DNAH10: variants seen among roughly 807,000 people sequenced by gnomAD.
DNAH10 encodes axonemal beta dynein heavy chain 10.
A neutral mutation model predicts 506.6 loss-of-function variants in DNAH10; 348 were observed. The ratio of observed to expected loss-of-function variants is 0.69; its 90% CI spans 0.63 to 0.75. The LOEUF is 0.75. Ranked by LOEUF, DNAH10 falls within the 30% of genes least tolerant of loss-of-function variation. The probability of loss-of-function intolerance (pLI) is 0.00; values close to 1 mark genes in which losing one functional copy is unlikely to be tolerated. For missense variants in DNAH10, 5,179 were observed against 5,787.1 expected, an observed-to-expected ratio of 0.89 and a Z score of 3.41; for synonymous variants, 2,059 against 2,198.6, an observed-to-expected ratio of 0.94 and a Z score of 1.78.
chr12:123,815,768 A>G (rs926436331), intron 21 of DNAH10, among the ~76,000 whole-genome samples: 1 of 152,246 alleles, frequency 6.6e-6, no homozygotes, highest in African/African-American at 2.4e-5. Context: ...CATGGAATGT[A>G]CTTATACAAA....
intron 48 of DNAH10, 39 bp downstream of exon 48, chr12:123,877,947 TA>T (rs776797344): frequency 3.1e-6 from 5 of 1,590,860 alleles, no homozygotes; most frequent in Non-Finnish European, 4.3e-6. Context: ...GCCCCACAGG[TA>T]TGATAGTTTT....
intron 50 of DNAH10, among the ~76,000 whole-genome samples, chr12:123,881,167 G>A (rs1952491079): frequency 1.3e-5 from 2 of 152,188 alleles, no homozygotes; most frequent in African/African-American, 2.4e-5. Context: ...TATATGCCCA[G>A]TAACGGGATG....
intron 51 of DNAH10, among the ~76,000 whole-genome samples, chr12:123,883,930 C>G (rs966253397): frequency 2.6e-5 from 4 of 152,184 alleles, no homozygotes; most frequent in African/African-American, 9.7e-5. Context: ...TCAGCCACCC[C>G]TCATGTCTAC....
Position 123,907,346 on chromosome 12 carries a change from T to C in DNAH10, c.9816-1915T>C, listed in dbSNP as rs905757520. On this transcript the variant is annotated intron_variant, in intron 57 of 78. Transcript: ENST00000673944. The surrounding 1 kb of genome is among the most constrained non-coding windows in gnomAD (Gnocchi z 4.4). Reference sequence around the variant, plus strand: ...GTGGGGTTTATAAGGATTATTTTCCTCTAGGGAGGGTAGCATATCATTCTC... The same window carrying C: ...GTGGGGTTTATAAGGATTATTTTCCCCTAGGGAGGGTAGCATATCATTCTC... 6.6e-6 allele frequency among the ~76,000 whole-genome samples: 1 copy of C among 152,188 alleles called. No individual in the cohort carries two copies. The highest frequency in any genetic ancestry group is 2.4e-5 in the African/African-American group (1 of 41,432).
At chr12:123,868,385 C>T (rs1296554321) in intron 43 of DNAH10, among the ~76,000 whole-genome samples, 1 of 152,154 alleles carries the variant, frequency 6.6e-6, no homozygotes, top group Admixed American at 6.5e-5. Context: ...GCACTTGCTT[C>T]CTTTGCTCTT....
chr12:123,863,942 T>C (rs1014136623), intron 39 of DNAH10, among the ~76,000 whole-genome samples: 12 of 152,236 alleles, frequency 7.9e-5, no homozygotes, highest in Non-Finnish European at 1.6e-4. Context: ...AAGAATGAGG[T>C]AGGAGTTGTG....
intron 14 of DNAH10, among the ~76,000 whole-genome samples, chr12:123,799,649 G>A (rs1958411556): frequency 6.6e-6 from 1 of 152,200 alleles, no homozygotes; most frequent in Non-Finnish European, 1.5e-5. Context: ...TTATAAATCA[G>A]ATGATGTAGA....
chr12:123,928,542 C>A lies in DNAH10; in HGVS notation c.12261C>A (p.Asp4087Glu), dbSNP rs199560032. ...HPDFRLWLTT[D>E]PTKGFPIGIL... Reference sequence around the variant, plus strand: ...ACTTCCGCCTGTGGCTCACCACGGACCCCACCAAGGGCTTCCCCATTGGGA... The same window carrying A: ...ACTTCCGCCTGTGGCTCACCACGGAACCCACCAAGGGCTTCCCCATTGGGA... Residue 4087 changes from aspartate (D) to glutamate (E), a missense_variant, in exon 70 of 79, where the codon GAC becomes GAA. Asp to Glu is a conservative substitution (Grantham distance 45). Around this residue, in one of 3 missense-constraint regions of DNAH10, gnomAD observed 4,844 missense variants for 5,430.5 expected, o/e 0.89. Coordinates refer to ENST00000673944, the MANE Select transcript of DNAH10 (RefSeq NM_001372106.1). The surrounding 1 kb of genome is among the most constrained non-coding windows in gnomAD (Gnocchi z 4.9). The A allele has an allele frequency of 1.4e-3, 2,193 of 1,610,474 alleles. 2 individuals carry two copies. Among genetic ancestry groups the A allele is most frequent in the Non-Finnish European group, 1.8e-3 (2,088 of 1,178,448 alleles).
intron 24 of DNAH10, among the ~76,000 whole-genome samples, chr12:123,822,771 C>T (rs965466076): frequency 6.6e-6 from 1 of 152,120 alleles, no homozygotes; most frequent in Non-Finnish European, 1.5e-5. Flanking sequence ...AGTCCAAGTC[C>T]GAATGCGGGA....
Position 123,785,429 on chromosome 12 carries a change from G to T in DNAH10, c.1231-317G>T, listed in dbSNP as rs79526668. 6.6e-6 allele frequency among the ~76,000 whole-genome samples: 1 copy of T among 152,102 alleles called. No homozygotes were observed. The highest frequency in any genetic ancestry group is 1.5e-5 in the Non-Finnish European group (1 of 68,020). On this transcript the variant is annotated intron_variant, in intron 8 of 78. Transcript: ENST00000673944. The surrounding 1 kb of genome is among the most constrained non-coding windows in gnomAD (Gnocchi z 4.1). ...TTATTATTATAAGAGATTAAAAAAA[G>T]TCTGCTCACCTGGGCAACATAGTGC... is the stretch of plus-strand genomic sequence containing the variant.
chr12:123,784,116 A>G lies in DNAH10; in HGVS notation c.1169A>G (p.Lys390Arg), dbSNP rs922187155. Residue 390 changes from lysine (K) to arginine (R), a missense_variant, in exon 8 of 79, where the codon AAG (lysine) becomes AGG (arginine). This residue lies in a region of DNAH10 where 4,844 missense variants were observed against 5,430.5 expected (regional missense o/e 0.89). Coordinates refer to ENST00000673944, the MANE Select transcript of DNAH10 (RefSeq NM_001372106.1). ...NLQPVFTELF[K>R]FHTEASDNVR... ...CAGCCAGTGTTCACCGAGTTATTCAAGTTCCACACGGAGGCCTCAGACAAT... is the reference window on the plus strand; with the variant it reads ...CAGCCAGTGTTCACCGAGTTATTCAGGTTCCACACGGAGGCCTCAGACAAT... 12 of 1,614,138 alleles carry G rather than the reference A, an allele frequency of 7.4e-6. No individual in the cohort carries two copies. The highest frequency in any genetic ancestry group is 1.0e-5 in the Non-Finnish European group (12 of 1,180,058).
intron 78 of DNAH10, 51 bp downstream of exon 78, chr12:123,934,817 C>T: frequency 6.2e-7 from 1 of 1,607,252 alleles, no homozygotes; most frequent in Non-Finnish European, 8.5e-7. Flanking sequence ...CCTCTTCTGA[C>T]TGTAGTTATG....
chr12:123,919,802 C>T lies in DNAH10; in HGVS notation c.11506+853C>T, dbSNP rs1954649054. On this transcript the variant is annotated intron_variant, in intron 65 of 78. Transcript: ENST00000673944. This position sits in a 1 kb window ranked among gnomAD's most constrained non-coding sequence, Gnocchi z 4.9. ...TGCGTGTGTCAGCGCTTCATTCCTG[C>T]CTGTGGCTGAGTCACATTCCATGTA... Among the ~76,000 whole-genome samples, 1 of 152,256 alleles carries T rather than the reference C, an allele frequency of 6.6e-6. No individual in the cohort carries two copies. The highest frequency in any genetic ancestry group is 1.5e-5 in the Non-Finnish European group (1 of 68,054).
chr12:123,902,891 C>T lies in DNAH10; in HGVS notation c.9641-48C>T. The T allele has an allele frequency of 6.5e-7, 1 of 1,534,140 alleles. No homozygotes were observed. The highest frequency in any genetic ancestry group is 1.2e-5 in the South Asian group (1 of 81,094). The stretch of plus-strand genomic sequence containing the variant: ...CTGCTCAGAGCCGGGGCCGCGAGTG[C>T]ATCTCCTCTGAGCCCAAGCTTTACT... On this transcript the variant is annotated intron_variant, in intron 56 of 78. Coordinates refer to ENST00000673944, the MANE Select transcript of DNAH10 (RefSeq NM_001372106.1). This position sits in a 1 kb window ranked among gnomAD's most constrained non-coding sequence, Gnocchi z 4.5.
At chr12:123,876,724 G>T (rs1009642018) in intron 47 of DNAH10, among the ~76,000 whole-genome samples, 8 of 152,196 alleles carry the variant, frequency 5.3e-5, no homozygotes, top group African/African-American at 1.9e-4. Context: ...CACTTCGGGA[G>T]GCTGAGGAGA....
chr12:123,909,358 G>A lies in DNAH10; in HGVS notation c.9913G>A (p.Val3305Met), dbSNP rs571654959. The change falls in exon 58 of 79, where the codon GTG becomes ATG. Residue 3305 changes from valine (V) to methionine (M), a missense_variant. This residue lies in a region of DNAH10 where 4,844 missense variants were observed against 5,430.5 expected (regional missense o/e 0.89). Transcript: ENST00000673944. The surrounding 1 kb of genome is among the most constrained non-coding windows in gnomAD (Gnocchi z 5.4). Reference protein sequence around the residue: ...KELNWKTAKGVMSDPNFLRSL... With the variant: ...KELNWKTAKGMMSDPNFLRSL... ...GCTGAACTGGAAAACAGCCAAGGGC[G>A]TGATGTCCGACCCGAATTTCCTGCG... 7.7e-5 allele frequency: 124 copies of A among 1,612,356 alleles called. No homozygotes were observed. The highest frequency in any genetic ancestry group is 9.2e-5 in the Non-Finnish European group (109 of 1,179,272).
At position 123,929,728 on chromosome 12, in the gene DNAH10, C is replaced by T. The variant is rs764098693; in HGVS notation, c.12581C>T (p.Pro4194Leu). 14 of 1,613,104 alleles carry T rather than the reference C, an allele frequency of 8.7e-6. No individual in the cohort carries two copies. The highest frequency in any genetic ancestry group is 4.4e-5 in the South Asian group (4 of 90,894). Reference protein sequence around the residue: ...KAFQQRDPRIPWGSLKYLIGE... With the variant: ...KAFQQRDPRILWGSLKYLIGE... ...TTCCAGCAACGGGACCCAAGGATCC[C>T]GTGGGGCAGCCTCAAGTACCTAATT... is the stretch of plus-strand genomic sequence containing the variant. The change falls in exon 72 of 79, where the codon CCG becomes CTG. Residue 4194 changes from proline to leucine, a missense_variant. By Grantham distance (98) the Pro-to-Leu change is moderately conservative (BLOSUM62 -3). This residue lies in a region of DNAH10 where 4,844 missense variants were observed against 5,430.5 expected (regional missense o/e 0.89). Coordinates refer to ENST00000673944, the MANE Select transcript of DNAH10 (RefSeq NM_001372106.1).
chr12:123,854,967 G>A (rs1004230363), intron 36 of DNAH10, among the ~76,000 whole-genome samples: 1 of 152,170 alleles, frequency 6.6e-6, no homozygotes, highest in Non-Finnish European at 1.5e-5. Context: ...TGGAATAAAA[G>A]GTAAAGAATT....
At chr12:123,845,535 G>A (rs986169769) in intron 30 of DNAH10, 65 bp from the exon 31 acceptor site, 1 of 1,575,526 alleles carries the variant, frequency 6.3e-7, no homozygotes, top group African/African-American at 1.4e-5. Context: ...AATTCCTGAA[G>A]GGACTGTTTT....
Sources: gnomAD v4.1 joint callset for allele counts (sites outside exome capture counted in the v4.1 genomes callset) on GRCh38, gnomAD v4.1.1 for gene constraint, gnomAD v4.1.1 regional missense constraint, Gnocchi (gnomAD v3.1) non-coding constraint, MANE v1.5 for transcripts, NCBI Gene and HGNC (gene_info 2026-07-23, HGNC 2026-07-21) for gene names.